The following SLC8A2 variants were observed in gnomAD, a reference collection of about 807,000 sequenced individuals.
SLC8A2 encodes the protein sodium/calcium exchanger 2.
Under a neutral mutation model 70.2 loss-of-function variants are expected in SLC8A2, and 14 were observed. The observed-to-expected ratio is 0.20, with a 90% CI of 0.13 to 0.31. The LOEUF (loss-of-function observed/expected upper bound fraction) is 0.31. Among genes scored for constraint, SLC8A2 ranks in the 10% least tolerant of loss-of-function variants. SLC8A2 has a pLI of 1.00. For missense variants in SLC8A2, 779 were observed against 1,320.1 expected (o/e 0.59, Z 6.35); for synonymous variants, 575 against 594.3 (o/e 0.97, Z 0.47).
chr19:47,435,359 T>C (rs955812958), intron 8 of SLC8A2, among the ~76,000 whole-genome samples: 2 of 152,112 alleles, frequency 1.3e-5, no homozygotes, highest in South Asian at 2.1e-4. Context: ...CACAGCACGA[T>C]GTACGCTGGG....
chr19:47,452,433 AGAGAGAGAGAGAGTGTGTGT>A (rs1313771435), intron 3 of SLC8A2, among the ~76,000 whole-genome samples: 20 of 99,048 alleles, frequency 2.0e-4, no homozygotes, highest in Non-Finnish European at 2.9e-4. Context: ...AGAGAGAGAG[AGAGAGAGAGAGAGTGTGTGT>A]GTGTGTGTGT....
In SLC8A2 at chr19:47,447,594, C is replaced by A; in HGVS notation, c.1763+215G>T. Reference sequence around the variant, plus strand: ...TCAGGCCCCTCTCCTCCTGAGGGCCCAGCTGTTCAGTGAAGCCCCGCCCAC... The same window carrying A: ...TCAGGCCCCTCTCCTCCTGAGGGCCAAGCTGTTCAGTGAAGCCCCGCCCAC... On this transcript the variant is annotated intron_variant, in intron 4 of 9. Coordinates refer to ENST00000236877, the MANE Select transcript of SLC8A2 (RefSeq NM_015063.3). The surrounding 1 kb of genome is among the most constrained non-coding windows in gnomAD (Gnocchi z 5.1). 1 of 541,832 alleles carries A rather than the reference C, an allele frequency of 1.8e-6. No individual in the cohort carries two copies. The highest frequency in any genetic ancestry group is 3.2e-6 in the Non-Finnish European group (1 of 312,934). The allele number at this position is 541,832 out of a possible 1,614,324, so 33.6% of individuals were successfully genotyped here. A position where few individuals can be genotyped will look rare whatever the true frequency, so the allele number is the denominator to read the frequency against.
chr19:47,471,457 G>A (rs1967538353), intron 1 of SLC8A2, among the ~76,000 whole-genome samples: 1 of 149,504 alleles, frequency 6.7e-6, no homozygotes, highest in Non-Finnish European at 1.5e-5. Flanking sequence ...GAGACAGAAA[G>A]ATGAGACCCA....
chr19:47,444,745 C>T (rs1190589889), intron 4 of SLC8A2, among the ~76,000 whole-genome samples: 1 of 152,198 alleles, frequency 6.6e-6, no homozygotes, highest in African/African-American at 2.4e-5. Flanking sequence ...AAACCCAACG[C>T]GCAGGAAACA....
chr19:47,458,752 TTC>T (rs779459114), intron 2 of SLC8A2, among the ~76,000 whole-genome samples: 9 of 151,316 alleles, frequency 5.9e-5, no homozygotes, highest in Non-Finnish European at 1.3e-4. Context: ...CCTTGTGAGT[TTC>T]TTTCTTTTTC....
intron 1 of SLC8A2, among the ~76,000 whole-genome samples, chr19:47,470,342 ACAT>A (rs1416831398): frequency 1.3e-4 from 16 of 123,788 alleles, no homozygotes; most frequent in African/African-American, 5.3e-4. Flanking sequence ...AGCCAGGGAG[ACAT>A]CATACACACA....
chr19:47,441,502 A>C, intron 4 of SLC8A2, 62 bp from the exon 5 acceptor site: 1 of 980,908 alleles, frequency 1.0e-6, no homozygotes, highest in African/African-American at 1.6e-5. Context: ...CAGACTCACC[A>C]GGCAACCCTC....
chr19:47,470,766 A>G (rs1391274018), intron 1 of SLC8A2, among the ~76,000 whole-genome samples: 1 of 152,270 alleles, frequency 6.6e-6, no homozygotes, highest in East Asian at 1.9e-4. Context: ...TCTCATCTCT[A>G]CTACAGAGGC....
At chr19:47,464,558 C>A (rs1967434881) in intron 2 of SLC8A2, among the ~76,000 whole-genome samples, 1 of 152,232 alleles carries the variant, frequency 6.6e-6, no homozygotes, top group Non-Finnish European at 1.5e-5. Flanking sequence ...GCCCTGTCTT[C>A]TGGTGCCACT....
At chr19:47,469,196 C>T (rs533245546) in intron 1 of SLC8A2, among the ~76,000 whole-genome samples, 44 of 151,770 alleles carry the variant, frequency 2.9e-4, no homozygotes, top group African/African-American at 1.0e-3. Context: ...AAAGGGCCAC[C>T]GCACAATTAG....
chr19:47,430,001 G>C lies in SLC8A2; in HGVS notation c.*88C>G. On this transcript the variant is annotated 3_prime_UTR_variant, in exon 10 of 10. Transcript: ENST00000236877. The surrounding 1 kb of genome is among the most constrained non-coding windows in gnomAD (Gnocchi z 5.9). Reference sequence around the variant, plus strand: ...GTCCCAGGAGAGGAGGCCGAGTCTGGGGGGAAAAGGAGACCAGGGTCCAAG... The same window carrying C: ...GTCCCAGGAGAGGAGGCCGAGTCTGCGGGGAAAAGGAGACCAGGGTCCAAG... The C allele has an allele frequency of 7.2e-7, 1 of 1,381,950 alleles. No individual in the cohort carries two copies. The highest frequency in any genetic ancestry group is 2.6e-5 in the Admixed American group (1 of 38,908). 85.6% of individuals were successfully genotyped at this position (1,381,950 alleles called of 1,614,324 possible).
At chr19:47,436,888 C>T in intron 8 of SLC8A2, among the ~76,000 whole-genome samples, 1 of 152,118 alleles carries the variant, frequency 6.6e-6, no homozygotes, top group Admixed American at 6.5e-5. Context: ...GCCCTGGTGA[C>T]TGTCTCCAGG....
chr19:47,434,044 A>C lies in SLC8A2; in HGVS notation c.2111-1599T>G, dbSNP rs139108629. Among the ~76,000 whole-genome samples, 68 of 152,380 alleles carry C rather than the reference A, an allele frequency of 4.5e-4. No homozygotes were observed. The South Asian group carries it at 5.4e-3, about 12-fold the overall frequency. ...AAGCAATGAATGAGAATCAATGAGC[A>C]CACTTGTGTGTGGCACGCATTACAT... is the stretch of plus-strand genomic sequence containing the variant. On this transcript the variant is annotated intron_variant, in intron 8 of 9. Coordinates refer to ENST00000236877, the MANE Select transcript of SLC8A2 (RefSeq NM_015063.3).
chr19:47,437,172 T>C (rs1028043574), intron 8 of SLC8A2, among the ~76,000 whole-genome samples: 4 of 151,630 alleles, frequency 2.6e-5, no homozygotes, highest in Non-Finnish European at 5.9e-5. Flanking sequence ...TGATTCTCCC[T>C]GTGTATTTCT....
At position 47,447,663 on chromosome 19, in the gene SLC8A2, G is replaced by C; in HGVS notation, c.1763+146C>G. The C allele has an allele frequency of 7.7e-6, 6 of 783,072 alleles. No homozygotes were observed. In the South Asian group the frequency reaches 1.0e-4, roughly 13 times the overall value. The allele number at this position is 783,072 out of a possible 1,614,324, so 48.5% of individuals were successfully genotyped here. On this transcript the variant is annotated intron_variant, in intron 4 of 9. Coordinates refer to ENST00000236877, the MANE Select transcript of SLC8A2 (RefSeq NM_015063.3). The surrounding 1 kb of genome is among the most constrained non-coding windows in gnomAD (Gnocchi z 5.1). ...AGGCCCCGCCCACGTTGCGGGCACG[G>C]CCACGCAGGCCCCTCCCCTCCCGAG...
At chr19:47,441,295 TG>T in intron 5 of SLC8A2, 41 bp downstream of exon 5, 1 of 1,585,980 alleles carries the variant, frequency 6.3e-7, no homozygotes, top group Non-Finnish European at 8.7e-7. Context: ...CCCCCGACCC[TG>T]GACCCCTTAC....
At chr19:47,441,039 A>C in intron 6 of SLC8A2, 130 bp downstream of exon 6, 1 of 790,006 alleles carries the variant, frequency 1.3e-6, no homozygotes, top group Non-Finnish European at 2.1e-6. Flanking sequence ...CCAGCCCTGA[A>C]TCTGCCTTTA....
chr19:47,441,560 C>T (rs1967100099), intron 4 of SLC8A2, 120 bp from the exon 5 acceptor site: 2 of 629,890 alleles, frequency 3.2e-6, no homozygotes, highest in South Asian at 1.9e-5. Flanking sequence ...CCAGACTCCA[C>T]AATCTCATTT....
chr19:47,449,355 C>T (rs1050641368), intron 3 of SLC8A2, among the ~76,000 whole-genome samples: 3 of 152,068 alleles, frequency 2.0e-5, no homozygotes, highest in African/African-American at 7.2e-5. Context: ...GACAGAGTCT[C>T]GCTGTCATCC....
Sources: gnomAD v4.1 joint callset for allele counts (sites outside exome capture counted in the v4.1 genomes callset) on GRCh38, gnomAD v4.1.1 for gene constraint, Gnocchi (gnomAD v3.1) non-coding constraint, MANE v1.5 for transcripts, NCBI Gene and HGNC (gene_info 2026-07-23, HGNC 2026-07-21) for gene names.